CCDC7: variants seen among roughly 807,000 people sequenced by gnomAD.
The protein encoded by CCDC7 is coiled-coil domain containing 7.
A neutral mutation model predicts 196.9 loss-of-function variants in CCDC7; 183 were observed. That is an observed-to-expected ratio of 0.93 (90% CI 0.82 to 1.05). The LOEUF is 1.05. Among genes scored for constraint, CCDC7 ranks in the 50% least tolerant of loss-of-function variants. The pLI is 0.00. For missense variants in CCDC7, 1,540 were observed against 1,482.2 expected (o/e 1.04, Z -0.64); for synonymous variants, 525 against 484.6 (o/e 1.08, Z -1.10).
chr10:32,779,078 G>T, exon 29 of CCDC7: 1 of 1,543,828 alleles, frequency 6.5e-7, no homozygotes, highest in Non-Finnish European at 8.8e-7. Flanking sequence ...TTTAAACAAA[G>T]TGGTCGGTAA....
intron 10 of CCDC7, among the ~76,000 whole-genome samples, chr10:32,518,201 A>G (rs2047347578): frequency 6.6e-6 from 1 of 151,954 alleles, no homozygotes; most frequent in African/African-American, 2.4e-5. Context: ...AAACTATAAT[A>G]TCCTACAGTC....
At chr10:32,727,155 A>G (rs139613077) in intron 26 of CCDC7, among the ~76,000 whole-genome samples, 4 of 152,252 alleles carry the variant, frequency 2.6e-5, no homozygotes, top group Middle Eastern at 3.4e-3. Context: ...CCCAATGATC[A>G]CTTACCACGT....
intron 9 of CCDC7, among the ~76,000 whole-genome samples, chr10:32,506,371 G>A (rs923570540): frequency 1.3e-4 from 20 of 152,156 alleles, no homozygotes; most frequent in Non-Finnish European, 2.4e-4. Flanking sequence ...ACTTCCAGAC[G>A]GGGCAGCCGG....
At chr10:32,596,932 G>A (rs766408559) in intron 18 of CCDC7, among the ~76,000 whole-genome samples, 7 of 152,146 alleles carry the variant, frequency 4.6e-5, no homozygotes, top group South Asian at 2.1e-4. Context: ...TGGGTAACCC[G>A]ACCTTTCTGG....
At chr10:32,464,696 A>G (rs2036384694) in intron 5 of CCDC7, among the ~76,000 whole-genome samples, 1 of 151,832 alleles carries the variant, frequency 6.6e-6, no homozygotes, top group South Asian at 2.1e-4. Flanking sequence ...TTTTTAGTAG[A>G]GATGGGGTTT....
intron 29 of CCDC7, among the ~76,000 whole-genome samples, chr10:32,800,849 A>G (rs1430210120): frequency 1.3e-5 from 2 of 152,196 alleles, no homozygotes; most frequent in Non-Finnish European, 2.9e-5. Context: ...TCCACTTGAC[A>G]TGGAATTTTC....
chr10:32,818,471 C>T (rs1217199005), intron 31 of CCDC7, among the ~76,000 whole-genome samples: 2 of 152,150 alleles, frequency 1.3e-5, no homozygotes, highest in Non-Finnish European at 2.9e-5. Flanking sequence ...TTGAACTCAG[C>T]TCTGCACCAA....
At chr10:32,625,649 A>G (rs1282661496) in intron 18 of CCDC7, among the ~76,000 whole-genome samples, 3 of 152,174 alleles carry the variant, frequency 2.0e-5, no homozygotes, top group Admixed American at 6.6e-5. Context: ...TATATTCACC[A>G]TGCTGTACAG....
intron 13 of CCDC7, among the ~76,000 whole-genome samples, chr10:32,547,798 T>C (rs1236363745): frequency 6.6e-6 from 1 of 152,194 alleles, no homozygotes; most frequent in African/African-American, 2.4e-5. Context: ...TATTTTTAAA[T>C]TTATTTTTCC....
At chr10:32,808,956 C>T (rs1369650043) in intron 30 of CCDC7, among the ~76,000 whole-genome samples, 8 of 152,174 alleles carry the variant, frequency 5.3e-5, no homozygotes, top group Non-Finnish European at 1.0e-4. Flanking sequence ...GGCAGGATCA[C>T]TTGAGATCAG....
intron 29 of CCDC7, among the ~76,000 whole-genome samples, chr10:32,782,823 T>C (rs938557950): frequency 3.3e-5 from 5 of 152,172 alleles, no homozygotes; most frequent in East Asian, 1.9e-4. Flanking sequence ...GGGGATAGAA[T>C]TGAGAGACTG....
intron 18 of CCDC7, among the ~76,000 whole-genome samples, chr10:32,600,924 G>A (rs890738337): frequency 6.6e-6 from 1 of 152,146 alleles, no homozygotes; most frequent in East Asian, 1.9e-4. Context: ...AACTCCCTAT[G>A]TTTTTCTGGG....
At chr10:32,631,993 T>A (rs1450594436) in intron 18 of CCDC7, among the ~76,000 whole-genome samples, 1 of 152,116 alleles carries the variant, frequency 6.6e-6, no homozygotes, top group Non-Finnish European at 1.5e-5. Flanking sequence ...CTTTGCTAAA[T>A]TGATTTCTTC....
chr10:32,767,517 C>G (rs2078504368), intron 28 of CCDC7, among the ~76,000 whole-genome samples: 1 of 152,014 alleles, frequency 6.6e-6, no homozygotes, highest in East Asian at 1.9e-4. Context: ...GGAGGCAGAG[C>G]AAGATGGCTG....
At chr10:32,671,669 T>C (rs532011800) in intron 21 of CCDC7, among the ~76,000 whole-genome samples, 2 of 152,306 alleles carry the variant, frequency 1.3e-5, no homozygotes, top group Admixed American at 6.5e-5. Flanking sequence ...TTGCTTTACA[T>C]TGATGTCTGC....
intron 30 of CCDC7, 59 bp from the exon 32 acceptor site, chr10:32,814,311 G>A: frequency 1.7e-6 from 2 of 1,183,196 alleles, no homozygotes; most frequent in Non-Finnish European, 2.5e-6. Flanking sequence ...CACTCACACT[G>A]TCACATTTGT....
At chr10:32,560,502 A>G (rs1057466766) in intron 13 of CCDC7, among the ~76,000 whole-genome samples, 2 of 152,218 alleles carry the variant, frequency 1.3e-5, no homozygotes, top group African/African-American at 4.8e-5. Flanking sequence ...GCCAGAAGAG[A>G]GTGGGGGCCA....
intron 13 of CCDC7, among the ~76,000 whole-genome samples, chr10:32,545,873 G>A (rs1292368863): frequency 7.3e-6 from 1 of 136,188 alleles, no homozygotes; most frequent in African/African-American, 2.8e-5. Flanking sequence ...ACCACTGCAC[G>A]CCAGCCTGGG....
At position 32,845,335 on chromosome 10, in the gene CCDC7, A is replaced by G. The variant is rs1206768897; in HGVS notation, c.3436+9A>G. ...ACTAAAGGGTCACCAAAGTAAGAAA[A>G]AGAATTTTTCACATCTAATATTTAT... On this transcript the variant is annotated intron_variant, in intron 34 of 41. Transcript: ENST00000639629. 1.9e-6 allele frequency: 3 copies of G among 1,544,700 alleles called. No homozygotes were observed. The South Asian group carries it at 3.5e-5, about 18-fold the overall frequency.
Sources: gnomAD v4.1 joint callset for allele counts (sites outside exome capture counted in the v4.1 genomes callset) on GRCh38, gnomAD v4.1.1 for gene constraint, MANE v1.5 for transcripts, NCBI Gene and HGNC (gene_info 2026-07-23, HGNC 2026-07-21) for gene names.